The following RYR3 variants were observed in gnomAD, a reference collection of about 807,000 sequenced individuals.
RYR3 encodes brain ryanodine receptor-calcium release channel.
Under a neutral mutation model 584.3 loss-of-function variants are expected in RYR3, and 207 were observed. The ratio of observed to expected loss-of-function variants is 0.35; its 90% CI spans 0.32 to 0.40. RYR3 has a LOEUF of 0.40. RYR3 is among the 10% of genes least tolerant of loss of function. The probability of loss-of-function intolerance (pLI) is 1.00; values close to 1 mark genes in which losing one functional copy is unlikely to be tolerated. For missense variants in RYR3, 5,616 were observed against 6,089.2 expected (o/e 0.92, Z 2.59); for synonymous variants, 2,416 against 2,248.5 (o/e 1.07, Z -2.11).
intron 1 of RYR3, among the ~76,000 whole-genome samples, chr15:33,471,706 G>C: frequency 6.6e-6 from 1 of 151,496 alleles, no homozygotes; most frequent in South Asian, 2.1e-4. Flanking sequence ...TCTTTTTACT[G>C]GTTAACTGTG....
intron 53 of RYR3, among the ~76,000 whole-genome samples, chr15:33,746,800 C>T (rs1228619764): frequency 8.9e-6 from 1 of 112,434 alleles, no homozygotes; most frequent in African/African-American, 2.7e-5. Flanking sequence ...TTCTTTCTTT[C>T]TTCTTTTTTT....
intron 2 of RYR3, among the ~76,000 whole-genome samples, chr15:33,492,299 C>G (rs762763050): frequency 7.9e-5 from 12 of 152,032 alleles, no homozygotes; most frequent in Non-Finnish European, 1.5e-4. Context: ...TGGAGAGATA[C>G]AAGAACTTTT....
rs2076653085 is a variant in RYR3 at position 33,813,459 on chromosome 15, C to T, written c.10390-8C>T. ...TAATGTGCACCAACCGATGTGATCT[C>T]TTCTCAGGTGGAACAGCCTTTGAGG... On this transcript the variant is annotated splice_region_variant and splice_polypyrimidine_tract_variant and intron_variant, in intron 73 of 103. Coordinates refer to ENST00000634891, the MANE Select transcript of RYR3 (RefSeq NM_001036.6). 2.5e-6 allele frequency: 4 copies of T among 1,611,684 alleles called. No individual in the cohort carries two copies. The East Asian group carries it at 8.9e-5, about 36-fold the overall frequency.
chr15:33,572,213 C>G lies in RYR3; in HGVS notation c.1268+5414C>G. 1.3e-5 allele frequency among the ~76,000 whole-genome samples: 2 copies of G among 152,048 alleles called. 1 individual carries two copies. Among genetic ancestry groups the G allele is most frequent in the Middle Eastern group, 6.4e-3 (2 of 314 alleles). ...ATTACAGGAACATAAAAGAAAGATA[C>G]ATGTTTTTATATTGTTTCTGGTATT... On this transcript the variant is annotated intron_variant, in intron 12 of 103. Transcript: ENST00000634891.
rs1227018382 is a variant in RYR3, at chr15:33,662,502, A to G, written c.4972A>G (p.Arg1658Gly). 6 of 1,614,012 alleles carry G rather than the reference A, an allele frequency of 3.7e-6. No individual in the cohort carries two copies. Residue 1658 changes from arginine to glycine, a missense_variant, in exon 35 of 104, where the codon AGA (arginine) becomes GGA (glycine). This residue lies in a region of RYR3 where 753 missense variants were observed against 741.0 expected (regional missense o/e 1.02). Transcript: ENST00000634891. Reference sequence around the variant, plus strand: ...GCATGGACTGCCTGGGGTGGGCCTGAGAACATGTCTCAAGCCCGGGTTCAG... The same window carrying G: ...GCATGGACTGCCTGGGGTGGGCCTGGGAACATGTCTCAAGCCCGGGTTCAG... ...KRHGLPGVGL[R>G]TCLKPGFRFS...
At chr15:33,382,774 G>A (rs958434538) in intron 1 of RYR3, among the ~76,000 whole-genome samples, 7 of 152,076 alleles carry the variant, frequency 4.6e-5, no homozygotes, top group African/African-American at 7.2e-5. Context: ...ACATATATAT[G>A]CATAGAAAAA....
rs1229310199 is a variant in RYR3, at chr15:33,661,890, A to AT, written c.4623-257dup. Among the ~76,000 whole-genome samples the AT allele has an allele frequency of 2.0e-5, 3 of 152,008 alleles. No homozygotes were observed. The East Asian group carries it at 5.8e-4, about 29-fold the overall frequency. On this transcript the variant is annotated intron_variant, in intron 34 of 103. Transcript: ENST00000634891. ...AATGTTTTCTGTTTGGGAATTTCGG[A>AT]TTTTTTCCTAATAATGAAGACTTTC...
At chr15:33,515,447 C>T (rs1275708050) in intron 3 of RYR3, among the ~76,000 whole-genome samples, 1 of 152,234 alleles carries the variant, frequency 6.6e-6, no homozygotes, top group Non-Finnish European at 1.5e-5. Context: ...GGTCTGTCTG[C>T]AGCCTTCTCA....
At position 33,864,255 on chromosome 15, in the gene RYR3, G is replaced by A. The variant is rs926856703; in HGVS notation, c.14517+66G>A. 17 of 1,276,866 alleles carry A rather than the reference G, an allele frequency of 1.3e-5. 1 individual carries two copies. The highest frequency in any genetic ancestry group is 2.2e-4 in the Middle Eastern group (1 of 4,590). The allele number at this position is 1,276,866 out of a possible 1,614,324, so 79.1% of individuals were successfully genotyped here. A position where few individuals can be genotyped will look rare whatever the true frequency, so the allele number is the denominator to read the frequency against. On this transcript the variant is annotated intron_variant, in intron 103 of 103. Transcript: ENST00000634891. The stretch of plus-strand genomic sequence containing the variant: ...TTCCTAAATCTTGAGACTTAGTAGG[G>A]CATAGGTTATCTGAAATACATACAT...
At chr15:33,481,346 A>T (rs2049945959) in intron 2 of RYR3, among the ~76,000 whole-genome samples, 1 of 152,070 alleles carries the variant, frequency 6.6e-6, no homozygotes, top group Non-Finnish European at 1.5e-5. Context: ...GTCTACCTTC[A>T]TGCTATTCTT....
chr15:33,759,478 G>C (rs2072211033), intron 60 of RYR3, among the ~76,000 whole-genome samples: 1 of 152,096 alleles, frequency 6.6e-6, no homozygotes, highest in Admixed American at 6.6e-5. Context: ...GAAAAACACA[G>C]CACAAGAACT....
chr15:33,827,169 C>A lies in RYR3; in HGVS notation c.11246-30C>A, dbSNP rs757908663. On this transcript the variant is annotated intron_variant, in intron 84 of 103. Coordinates refer to ENST00000634891, the MANE Select transcript of RYR3 (RefSeq NM_001036.6). ...CTTGGCCCCCTCGGCATGGCAGGGA[C>A]AAGCTCTGACCCAGCACTGGTGCTC... The A allele has an allele frequency of 9.1e-6, 14 of 1,542,400 alleles. No homozygotes were observed. In the South Asian group the frequency reaches 1.3e-4, roughly 14 times the overall value.
chr15:33,473,863 A>G (rs1453448234), intron 2 of RYR3, among the ~76,000 whole-genome samples: 3 of 152,122 alleles, frequency 2.0e-5, no homozygotes, highest in Non-Finnish European at 4.4e-5. Context: ...GTTAATTCCT[A>G]GAAATCTGAG....
At chr15:33,585,716 G>T (rs1390637475) in intron 15 of RYR3, among the ~76,000 whole-genome samples, 3 of 152,182 alleles carry the variant, frequency 2.0e-5, no homozygotes, top group Non-Finnish European at 4.4e-5. Context: ...CTGCTTCTCT[G>T]TATTTTGACA....
At chr15:33,564,338 A>G (rs1182585538) in intron 11 of RYR3, among the ~76,000 whole-genome samples, 1 of 152,214 alleles carries the variant, frequency 6.6e-6, no homozygotes, top group Non-Finnish European at 1.5e-5. Flanking sequence ...AATGAAGAGC[A>G]AAGCAGAGAT....
chr15:33,397,512 T>C (rs2042370995), intron 1 of RYR3, among the ~76,000 whole-genome samples: 1 of 152,174 alleles, frequency 6.6e-6, no homozygotes, highest in South Asian at 2.1e-4. Flanking sequence ...TGGTCTCTTT[T>C]CAGGAGAAAG....
At chr15:33,630,829 AGG>A (rs1343838424) in intron 22 of RYR3, among the ~76,000 whole-genome samples, 2 of 152,232 alleles carry the variant, frequency 1.3e-5, no homozygotes, top group African/African-American at 4.8e-5. Flanking sequence ...TGTCTCCAAG[AGG>A]GGCAATTAAC....
At chr15:33,638,412 A>T (rs1169640355) in intron 27 of RYR3, among the ~76,000 whole-genome samples, 1 of 152,190 alleles carries the variant, frequency 6.6e-6, no homozygotes, top group African/African-American at 2.4e-5. Flanking sequence ...AGAGTCCAAA[A>T]ATCAGGGCCT....
At chr15:33,420,883 G>A (rs1298379416) in intron 1 of RYR3, among the ~76,000 whole-genome samples, 3 of 152,216 alleles carry the variant, frequency 2.0e-5, no homozygotes, top group East Asian at 3.9e-4. Flanking sequence ...TACCTGCTGT[G>A]ATGGTAAGCA....
Sources: gnomAD v4.1 joint callset for allele counts (sites outside exome capture counted in the v4.1 genomes callset) on GRCh38, gnomAD v4.1.1 for gene constraint, gnomAD v4.1.1 regional missense constraint, MANE v1.5 for transcripts, NCBI Gene and HGNC (gene_info 2026-07-23, HGNC 2026-07-21) for gene names.